Variants in SLC15A2 observed in about 807,000 individuals in gnomAD.
The protein encoded by SLC15A2 is kidney H(+)/peptide cotransporter.
Under a neutral mutation model 95.5 loss-of-function variants are expected in SLC15A2, and 77 were observed. The ratio of observed to expected loss-of-function variants is 0.81; its 90% CI spans 0.67 to 0.97. The LOEUF (loss-of-function observed/expected upper bound fraction) is 0.97. Ranked by LOEUF, SLC15A2 falls within the 50% of genes least tolerant of loss-of-function variation. The probability of loss-of-function intolerance (pLI) is 0.00; values close to 1 mark genes in which losing one functional copy is unlikely to be tolerated. For synonymous variants in SLC15A2, 306 were observed against 306.9 expected, an observed-to-expected ratio of 1.00 and a Z score of 0.03; for missense variants, 893 against 874.4, an observed-to-expected ratio of 1.02 and a Z score of -0.27.
chr3:121,935,897 C>A (rs1342763016), intron 19 of SLC15A2, among the ~76,000 whole-genome samples: 2 of 151,962 alleles, frequency 1.3e-5, no homozygotes, highest in Non-Finnish European at 2.9e-5. Context: ...CTCTTGTGGG[C>A]ATTTAGTGCT....
chr3:121,897,928 G>A (rs1038152998), intron 3 of SLC15A2, among the ~76,000 whole-genome samples: 1 of 152,146 alleles, frequency 6.6e-6, no homozygotes, highest in Non-Finnish European at 1.5e-5. Flanking sequence ...TTGGGAGGCC[G>A]AGGCGGGCAG....
At chr3:121,914,868 A>AAAT in intron 5 of SLC15A2, 1 of 422,198 alleles carries the variant, frequency 2.4e-6, no homozygotes. Flanking sequence ...AAAAAAAAAA[A>AAAT]AAAAAAACCA....
At chr3:121,939,621 G>C (rs1483746719) in intron 20 of SLC15A2, 126 bp downstream of exon 20, 3 of 679,652 alleles carry the variant, frequency 4.4e-6, no homozygotes, top group East Asian at 3.1e-5. Flanking sequence ...TTATGACCCT[G>C]AACATATATG....
chr3:121,935,155 A>G (rs1338132571), intron 19 of SLC15A2, among the ~76,000 whole-genome samples: 2 of 152,100 alleles, frequency 1.3e-5, no homozygotes, highest in African/African-American at 4.8e-5. Context: ...GTGCTGCTGG[A>G]TTCGTTTTGC....
Position 121,894,514 on chromosome 3 carries a change from T to C in SLC15A2, c.38T>C (p.Leu13Pro), listed in dbSNP as rs374629712. ...PFQKNESKET[L>P]FSPVSIEEVP... Reference sequence around the variant, plus strand: ...CAGAAAAATGAGTCCAAGGAAACTCTTTTTTCACCTGTCTCCATTGAAGAG... The same window carrying C: ...CAGAAAAATGAGTCCAAGGAAACTCCTTTTTCACCTGTCTCCATTGAAGAG... The change falls in exon 1 of 22, where the codon CTT becomes CCT. Residue 13 changes from leucine to proline, a missense_variant. Physicochemically the swap from Leu to Pro is moderately conservative, Grantham distance 98. Coordinates refer to ENST00000489711, the MANE Select transcript of SLC15A2 (RefSeq NM_021082.4). The C allele has an allele frequency of 9.3e-6, 15 of 1,613,466 alleles. No individual in the cohort carries two copies. Among genetic ancestry groups the C allele is most frequent in the Non-Finnish European group, 1.2e-5 (14 of 1,179,746 alleles).
In SLC15A2 at chr3:121,943,702, A is replaced by G. The variant is rs1185743791; in HGVS notation, c.*2695A>G. ...CATTTGAGGAATGCATTGTTAGGCA[A>G]TTTTGTCATTATGCAAACATCATAG... On this transcript the variant is annotated 3_prime_UTR_variant, in exon 22 of 22. Coordinates refer to ENST00000489711, the MANE Select transcript of SLC15A2 (RefSeq NM_021082.4). The G allele has an allele frequency of 6.6e-6, 1 of 152,204 alleles. No homozygotes were observed. Among genetic ancestry groups the G allele is most frequent in the Non-Finnish European group, 1.5e-5 (1 of 68,030 alleles). 9.4% of individuals were successfully genotyped at this position (152,204 alleles called of 1,614,324 possible).
At chr3:121,931,558 G>A (rs961168401) in intron 18 of SLC15A2, 81 bp from the exon 19 acceptor site, 3 of 825,900 alleles carry the variant, frequency 3.6e-6, no homozygotes, top group Non-Finnish European at 6.2e-6. Flanking sequence ...TCAGTAGAGA[G>A]ATGAGATCAC....
chr3:121,908,193 G>A (rs146530936), intron 3 of SLC15A2, among the ~76,000 whole-genome samples: 52 of 152,352 alleles, frequency 3.4e-4, no homozygotes, highest in African/African-American at 9.1e-4. Flanking sequence ...CAAGCCAGGC[G>A]CAGGATATAA....
At chr3:121,924,854 G>C (rs1460252855) in intron 12 of SLC15A2, 91 bp from the exon 13 acceptor site, 1 of 901,620 alleles carries the variant, frequency 1.1e-6, no homozygotes, top group East Asian at 2.4e-5. Context: ...GTGTAGATGT[G>C]AGACAGAGTG....
At position 121,915,682 on chromosome 3, in the gene SLC15A2, T is replaced by C. The variant is rs1709881031; in HGVS notation, c.686T>C (p.Val229Ala). ...LAFGVPGLLM[V>A]IALVVFAMGS... The stretch of plus-strand genomic sequence containing the variant: ...TTTGGAGTTCCAGGACTGCTCATGG[T>C]AATTGCACTTGGTAAGTGCAGTGAA... The change falls in exon 7 of 22, where the codon GTA (valine) becomes GCA (alanine). Residue 229 changes from valine (V) to alanine (A), a missense_variant. Coordinates refer to ENST00000489711, the MANE Select transcript of SLC15A2 (RefSeq NM_021082.4). 1.9e-6 allele frequency: 3 copies of C among 1,612,862 alleles called. No individual in the cohort carries two copies. Among genetic ancestry groups the C allele is most frequent in the Non-Finnish European group, 2.5e-6 (3 of 1,178,836 alleles).
chr3:121,906,034 G>T (rs1298139324), intron 3 of SLC15A2, among the ~76,000 whole-genome samples: 2 of 152,172 alleles, frequency 1.3e-5, no homozygotes, highest in African/African-American at 4.8e-5. Context: ...GGGTGCTCCT[G>T]TACTGGGTGC....
Position 121,929,164 on chromosome 3 carries a change from C to T in SLC15A2, c.1506+18C>T, listed in dbSNP as rs935356306. On this transcript the variant is annotated intron_variant, in intron 16 of 21. Coordinates refer to ENST00000489711, the MANE Select transcript of SLC15A2 (RefSeq NM_021082.4). ...GCATGATGGTAATTTGAGGAATTGCCTGTGTTTTCAGTTGTCATCTCAAAG... is the reference window on the plus strand; with the variant it reads ...GCATGATGGTAATTTGAGGAATTGCTTGTGTTTTCAGTTGTCATCTCAAAG... 3 of 1,607,416 alleles carry T rather than the reference C, an allele frequency of 1.9e-6. No homozygotes were observed. The highest frequency in any genetic ancestry group is 1.7e-6 in the Non-Finnish European group (2 of 1,175,488).
At chr3:121,901,062 A>G (rs927075447) in intron 3 of SLC15A2, among the ~76,000 whole-genome samples, 1 of 151,896 alleles carries the variant, frequency 6.6e-6, no homozygotes, top group Non-Finnish European at 1.5e-5. Flanking sequence ...TCTGTCACCC[A>G]GGCTGGAGTG....
rs1008088057 is a variant in SLC15A2 at position 121,942,883 on chromosome 3, A to G, written c.*1876A>G. The G allele has an allele frequency of 2.0e-5, 3 of 152,216 alleles. No individual in the cohort carries two copies. Among genetic ancestry groups the G allele is most frequent in the Admixed American group, 2.0e-4 (3 of 15,278 alleles). The allele number at this position is 152,216 out of a possible 1,614,324, so 9.4% of individuals were successfully genotyped here. Reference sequence around the variant, plus strand: ...GCTGCAGAACATTGGTTTGGAAAAAACTGTTGAGCAGTTCTTCCTTGTAAG... The same window carrying G: ...GCTGCAGAACATTGGTTTGGAAAAAGCTGTTGAGCAGTTCTTCCTTGTAAG... On this transcript the variant is annotated 3_prime_UTR_variant, in exon 22 of 22. Transcript: ENST00000489711.
intron 18 of SLC15A2, 60 bp downstream of exon 18, chr3:121,931,010 T>A: frequency 9.1e-7 from 1 of 1,096,060 alleles, no homozygotes; most frequent in Non-Finnish European, 1.4e-6. Flanking sequence ...TTAAGTGCTA[T>A]CTTTGTATAT....
chr3:121,901,384 G>A (rs1429078439), intron 3 of SLC15A2, among the ~76,000 whole-genome samples: 5 of 152,212 alleles, frequency 3.3e-5, no homozygotes, highest in South Asian at 2.1e-4. Flanking sequence ...GTAAATCTTC[G>A]AATTCATAAA....
chr3:121,928,270 T>A, intron 14 of SLC15A2, 151 bp from the exon 15 acceptor site: 1 of 907,374 alleles, frequency 1.1e-6, no homozygotes, highest in South Asian at 1.7e-5. Flanking sequence ...AAGCTGCCTT[T>A]AGAGTTTTCT....
chr3:121,923,218 C>T lies in SLC15A2; in HGVS notation c.958-4C>T, dbSNP rs1464222147. On this transcript the variant is annotated splice_polypyrimidine_tract_variant and splice_region_variant and intron_variant, in intron 10 of 21. Transcript: ENST00000489711. ...TTTCTCATAACAGGATCTGTTTGCC[C>T]TAGGGTTCACGATGGACTTTGCAAG... The T allele has an allele frequency of 3.7e-6, 6 of 1,613,812 alleles. No individual in the cohort carries two copies. The Admixed American group carries it at 1.0e-4, about 27-fold the overall frequency.
At chr3:121,906,267 G>T (rs1387118846) in intron 3 of SLC15A2, among the ~76,000 whole-genome samples, 1 of 152,074 alleles carries the variant, frequency 6.6e-6, no homozygotes, top group South Asian at 2.1e-4. Flanking sequence ...CACATGAGAT[G>T]GTTCTCGTGA....
Sources: allele counts gnomAD v4.1 joint callset (sites outside exome capture counted in the v4.1 genomes callset), GRCh38; gene constraint gnomAD v4.1.1; transcripts MANE v1.5; gene names NCBI Gene and HGNC (gene_info 2026-07-23, HGNC 2026-07-21).